NPY1R: variants seen among roughly 807,000 people sequenced by gnomAD.
NPY1R encodes neuropeptide Y receptor type 1.
In NPY1R, 10 loss-of-function variants were observed where a neutral mutation model predicts 24.1. The observed-to-expected ratio is 0.42, with a 90% CI of 0.26 to 0.71. The LOEUF (loss-of-function observed/expected upper bound fraction) is 0.71. Ranked by LOEUF, NPY1R falls within the 30% of genes least tolerant of loss-of-function variation. NPY1R has a pLI of 0.28. For missense variants in NPY1R, 350 were observed against 458.0 expected (o/e 0.76, Z 2.15); for synonymous variants, 168 against 165.9 (o/e 1.01, Z -0.10).
At chr4:163,329,631 T>C (rs759339512) in intron 1 of NPY1R, among the ~76,000 whole-genome samples, 4 of 150,936 alleles carry the variant, frequency 2.7e-5, no homozygotes, top group Admixed American at 2.6e-4. Context: ...AAACTGGGAT[T>C]TGGGGGAGCT....
At chr4:163,343,004 ACACACACACACACACG>A (rs1251114418) in intron 1 of NPY1R, among the ~76,000 whole-genome samples, 1 of 148,324 alleles carries the variant, frequency 6.7e-6, no homozygotes, top group Non-Finnish European at 1.5e-5. Flanking sequence ...ACACACACAC[ACACACACACACACACG>A]CGCGCGCGCC....
At chr4:163,336,742 C>T (rs1734847284), upstream of NPY1R, among the ~76,000 whole-genome samples, 1 of 152,132 alleles carries the variant, frequency 6.6e-6, no homozygotes, top group African/African-American at 2.4e-5. Context: ...GGGTGGATCA[C>T]CTGAGGTCAG....
rs1309091306 is a variant in NPY1R at position 163,324,339 on chromosome 4, A to C, written c.*964T>G. Reference sequence around the variant, plus strand: ...GAAAGATGGACATTGAAAGTTAAAAATCAGTCACTATATAGGCACTGCTGT... The same window carrying C: ...GAAAGATGGACATTGAAAGTTAAAACTCAGTCACTATATAGGCACTGCTGT... On this transcript the variant is annotated 3_prime_UTR_variant, in exon 3 of 3. Coordinates refer to ENST00000296533, the MANE Select transcript of NPY1R (RefSeq NM_000909.6). The C allele has an allele frequency of 1.3e-5, 2 of 152,626 alleles. No individual in the cohort carries two copies. Among genetic ancestry groups the C allele is most frequent in the African/African-American group, 4.8e-5 (2 of 41,458 alleles). 9.5% of individuals were successfully genotyped at this position (152,626 alleles called of 1,614,324 possible).
chr4:163,337,591 A>G (rs1452680049), upstream of NPY1R, among the ~76,000 whole-genome samples: 1 of 152,148 alleles, frequency 6.6e-6, no homozygotes, highest in Non-Finnish European at 1.5e-5. Flanking sequence ...TGTGACAGAC[A>G]AGCCATCTCA....
intron 2 of NPY1R, 48 bp downstream of exon 2, chr4:163,325,808 T>G (rs1433063440): frequency 1.9e-6 from 3 of 1,574,810 alleles, no homozygotes; most frequent in Non-Finnish European, 2.6e-6. Flanking sequence ...TGAGGAATTC[T>G]GTGTAAAGAA....
At chr4:163,330,719 GC>G (rs1257945614) in intron 1 of NPY1R, 1 of 152,206 alleles carries the variant, frequency 6.6e-6, no homozygotes, top group Non-Finnish European at 1.5e-5. Flanking sequence ...TGGCAAATTA[GC>G]CCCCTTGCAG....
chr4:163,343,033 A>T (rs1288262456), intron 1 of NPY1R, among the ~76,000 whole-genome samples: 1 of 147,202 alleles, frequency 6.8e-6, no homozygotes, highest in African/African-American at 2.5e-5. Flanking sequence ...CGCGCGCCTA[A>T]AGTACCTGCC....
At chr4:163,328,661 A>C (rs1734661331) in intron 1 of NPY1R, among the ~76,000 whole-genome samples, 1 of 152,122 alleles carries the variant, frequency 6.6e-6, no homozygotes, top group Non-Finnish European at 1.5e-5. Flanking sequence ...TCTTGTCCAC[A>C]CTTTACTCTA....
chr4:163,328,963 T>C (rs1560856887), intron 1 of NPY1R, among the ~76,000 whole-genome samples: 2 of 152,206 alleles, frequency 1.3e-5, no homozygotes, highest in Non-Finnish European at 2.9e-5. Context: ...TGATGCATGG[T>C]TGGAATAGTA....
At chr4:163,332,688 C>A (rs1298812018), upstream of NPY1R, 7 of 152,428 alleles carry the variant, frequency 4.6e-5, no homozygotes, top group Admixed American at 4.6e-4. Flanking sequence ...CTGAAGCTCC[C>A]CCAACCCCAC....
chr4:163,332,066 C>T (rs1323660372), intron 1 of NPY1R, among the ~76,000 whole-genome samples: 4 of 152,220 alleles, frequency 2.6e-5, no homozygotes, highest in African/African-American at 2.4e-5. Context: ...GCGAAAACTC[C>T]GGTGCGGCCA....
chr4:163,337,439 G>A (rs1016764793), upstream of NPY1R, among the ~76,000 whole-genome samples: 4 of 152,096 alleles, frequency 2.6e-5, no homozygotes, highest in African/African-American at 9.7e-5. Context: ...TTCTTTTTGG[G>A]ATAATTAAAC....
At chr4:163,326,973 T>C (rs766229099) in intron 1 of NPY1R, among the ~76,000 whole-genome samples, 15 of 152,100 alleles carry the variant, frequency 9.9e-5, no homozygotes, top group Non-Finnish European at 1.9e-4. Flanking sequence ...ATGCCCCAAG[T>C]CTTACATAAA....
upstream of NPY1R, chr4:163,333,093 C>T (rs868103787): frequency 2.4e-4 from 36 of 152,164 alleles, no homozygotes; most frequent in African/African-American, 8.4e-4. Flanking sequence ...ATTTGTTTTC[C>T]TCACTTTATA....
In NPY1R at chr4:163,329,760, C is replaced by G. The variant is rs560638477; in HGVS notation, c.-152+2722G>C. 3.3e-5 allele frequency among the ~76,000 whole-genome samples: 5 copies of G among 152,100 alleles called. No individual in the cohort carries two copies. The East Asian group carries it at 9.7e-4, about 29-fold the overall frequency. ...TATGCAAGTATCTCAGGGATTGCAT[C>G]CCATATGGAAAGAACAAAAATCCCT... On this transcript the variant is annotated intron_variant, in intron 1 of 2. Transcript: ENST00000296533.
intron 1 of NPY1R, among the ~76,000 whole-genome samples, chr4:163,328,180 T>C (rs1175756520): frequency 1.3e-5 from 2 of 152,070 alleles, no homozygotes; most frequent in African/African-American, 4.8e-5. Context: ...AATGAAACTA[T>C]TAAAGAATGG....
At chr4:163,339,558 C>G (rs906786326) in intron 1 of NPY1R, among the ~76,000 whole-genome samples, 11 of 151,722 alleles carry the variant, frequency 7.3e-5, no homozygotes, top group African/African-American at 2.7e-4. Flanking sequence ...TTATAAGATA[C>G]TGAAGAAGTT....
chr4:163,323,998 T>C lies in NPY1R; in HGVS notation c.*1305A>G, dbSNP rs1435933089. ...AAAAACAATATTGATTTTAATAAAA[T>C]GTCCGCCCTTTTAAAATCAAACACA... is the stretch of plus-strand genomic sequence containing the variant. On this transcript the variant is annotated 3_prime_UTR_variant, in exon 3 of 3. Coordinates refer to ENST00000296533, the MANE Select transcript of NPY1R (RefSeq NM_000909.6). 1 of 152,226 alleles carries C rather than the reference T, an allele frequency of 6.6e-6. No homozygotes were observed. The highest frequency in any genetic ancestry group is 6.5e-5 in the Admixed American group (1 of 15,280). 9.4% of individuals were successfully genotyped at this position (152,226 alleles called of 1,614,324 possible). A position where few individuals can be genotyped will look rare whatever the true frequency, so the allele number is the denominator to read the frequency against.
At chr4:163,339,644 T>A (rs1433710824) in intron 1 of NPY1R, among the ~76,000 whole-genome samples, 1 of 152,198 alleles carries the variant, frequency 6.6e-6, no homozygotes, top group Non-Finnish European at 1.5e-5. Flanking sequence ...AGCCCATTTG[T>A]TCATCTCAAA....
Sources: allele counts gnomAD v4.1 joint callset (sites outside exome capture counted in the v4.1 genomes callset), GRCh38; gene constraint gnomAD v4.1.1; transcripts MANE v1.5; gene names NCBI Gene and HGNC (gene_info 2026-07-23, HGNC 2026-07-21).